The following HPSE2 variants were observed in gnomAD, a reference collection of about 807,000 sequenced individuals.
HPSE2 encodes inactive heparanase-2.
A neutral mutation model predicts 60.5 loss-of-function variants in HPSE2; 38 were observed. That is an observed-to-expected ratio of 0.63 (90% CI 0.48 to 0.82). HPSE2 has a LOEUF of 0.82. HPSE2 is among the 40% of genes least tolerant of loss of function. The probability of loss-of-function intolerance (pLI) is 0.00; values close to 1 mark genes in which losing one functional copy is unlikely to be tolerated. For synonymous variants in HPSE2, 295 were observed against 293.2 expected (o/e 1.01, Z -0.06); for missense variants, 713 against 740.4 (o/e 0.96, Z 0.43).
At chr10:98,765,268 AAG>A (rs1950095127) in intron 3 of HPSE2, among the ~76,000 whole-genome samples, 1 of 152,206 alleles carries the variant, frequency 6.6e-6, no homozygotes, top group African/African-American at 2.4e-5. Flanking sequence ...GCCATAACTT[AAG>A]CAAATATAAA....
rs1940145329 is a variant in HPSE2, at chr10:98,458,582, CTTCT to C, written c.*988_*991del. ...TGATGACCTTGATTCACACTTTTTT[CTTCT>C]TTTTTAAAAATAATGATTTGAGTTA... is the stretch of plus-strand genomic sequence containing the variant. On this transcript the variant is annotated 3_prime_UTR_variant, in exon 12 of 12. Transcript: ENST00000370552. 6.6e-6 allele frequency: 1 copy of C among 152,112 alleles called. No individual in the cohort carries two copies. Among genetic ancestry groups the C allele is most frequent in the African/African-American group, 2.4e-5 (1 of 41,430 alleles). 9.4% of individuals were successfully genotyped at this position (152,112 alleles called of 1,614,324 possible).
chr10:98,476,532 T>C (rs1023363008), intron 11 of HPSE2, among the ~76,000 whole-genome samples: 1 of 151,884 alleles, frequency 6.6e-6, no homozygotes, highest in African/African-American at 2.4e-5. Flanking sequence ...GGCTCATGCT[T>C]GTAATCCAGC....
At chr10:98,670,746 T>TCCC (rs772605723) in intron 6 of HPSE2, among the ~76,000 whole-genome samples, 29 of 152,242 alleles carry the variant, frequency 1.9e-4, no homozygotes, top group Admixed American at 4.6e-4. Context: ...ATTGTGAAAC[T>TCCC]CCCTGCCCTG....
Position 99,185,643 on chromosome 10 carries a change from G to A in HPSE2, c.449-41244C>T, listed in dbSNP as rs567280845. Among the ~76,000 whole-genome samples, 5 of 151,754 alleles carry A rather than the reference G, an allele frequency of 3.3e-5. No individual in the cohort carries two copies. In the South Asian group the frequency reaches 8.3e-4, roughly 25 times the overall value. On this transcript the variant is annotated intron_variant, in intron 2 of 11. Coordinates refer to ENST00000370552, the MANE Select transcript of HPSE2 (RefSeq NM_021828.5). ...CAAAAAATTAGCCGGGCGTAGTGGC[G>A]GGTGTCTTTAGTCCCAGCTACTCGG...
At chr10:99,104,887 G>A (rs1431044663) in intron 3 of HPSE2, among the ~76,000 whole-genome samples, 1 of 151,910 alleles carries the variant, frequency 6.6e-6, no homozygotes. Context: ...ACAGGAAGGG[G>A]AACATCACAC....
intron 3 of HPSE2, among the ~76,000 whole-genome samples, chr10:98,954,856 T>C (rs1380003820): frequency 1.3e-5 from 2 of 151,792 alleles, no homozygotes; most frequent in Admixed American, 6.6e-5. Context: ...ATAACCCAAT[T>C]TGATTGGTGT....
the HPSE2 span, among the ~76,000 whole-genome samples, chr10:99,300,345 G>A: frequency 6.6e-6 from 1 of 152,104 alleles, no homozygotes; most frequent in Non-Finnish European, 1.5e-5. Flanking sequence ...CAATCTCCAT[G>A]GAAGAACCTC....
chr10:98,994,628 C>T (rs957357661), intron 3 of HPSE2, among the ~76,000 whole-genome samples: 1 of 152,170 alleles, frequency 6.6e-6, no homozygotes, highest in African/African-American at 2.4e-5. Context: ...GTGGCTATAG[C>T]CATGTCAGCC....
chr10:98,532,534 T>A lies in HPSE2; in HGVS notation c.1321-42338A>T, dbSNP rs549186065. The stretch of plus-strand genomic sequence containing the variant: ...AAATAATACATTTTGGGTAAAGCAT[T>A]ATTATTATAGTGCTTGATACATAAT... On this transcript the variant is annotated intron_variant, in intron 9 of 11. Transcript: ENST00000370552. Among the ~76,000 whole-genome samples the A allele has an allele frequency of 2.0e-5, 3 of 152,334 alleles. No homozygotes were observed. The East Asian group carries it at 5.8e-4, about 29-fold the overall frequency.
At chr10:99,119,077 A>G (rs186806432) in intron 3 of HPSE2, among the ~76,000 whole-genome samples, 1 of 120,714 alleles carries the variant, frequency 8.3e-6, no homozygotes, top group African/African-American at 2.9e-5. Context: ...GAAAGAAAGA[A>G]AGAGAAAGAA....
intron 3 of HPSE2, among the ~76,000 whole-genome samples, chr10:99,113,618 C>T (rs1338887366): frequency 6.6e-6 from 1 of 151,976 alleles, no homozygotes; most frequent in Non-Finnish European, 1.5e-5. Flanking sequence ...GGTTCAAAAA[C>T]CATTTTGCTC....
intron 9 of HPSE2, among the ~76,000 whole-genome samples, chr10:98,525,252 C>G (rs761309292): frequency 4.5e-4 from 68 of 152,326 alleles, no homozygotes; most frequent in Non-Finnish European, 6.0e-4. Context: ...CTCAGGAAAT[C>G]TGCCCGCCTT....
chr10:98,872,104 G>A (rs747180647), intron 3 of HPSE2, among the ~76,000 whole-genome samples: 18 of 151,880 alleles, frequency 1.2e-4, no homozygotes, highest in Non-Finnish European at 2.2e-4. Flanking sequence ...TGTGAGGTCC[G>A]TTACTATATG....
intron 2 of HPSE2, among the ~76,000 whole-genome samples, chr10:99,153,655 A>C (rs1846386689): frequency 6.6e-6 from 1 of 152,190 alleles, no homozygotes; most frequent in Admixed American, 6.5e-5. Context: ...ATGGGGAAAA[A>C]ACAGAGCAGA....
intron 2 of HPSE2, among the ~76,000 whole-genome samples, chr10:99,149,068 T>A (rs1742244527): frequency 6.6e-6 from 1 of 151,968 alleles, no homozygotes; most frequent in Non-Finnish European, 1.5e-5. Context: ...TAGCTGAAAC[T>A]GAGCCTGGCA....
At chr10:99,161,569 G>T (rs1846847427) in intron 2 of HPSE2, among the ~76,000 whole-genome samples, 1 of 152,162 alleles carries the variant, frequency 6.6e-6, no homozygotes, top group South Asian at 2.1e-4. Context: ...GGGCTTGATT[G>T]TAAACAAGCA....
chr10:99,285,249 G>A, the HPSE2 span, among the ~76,000 whole-genome samples: 3 of 151,164 alleles, frequency 2.0e-5, no homozygotes, highest in African/African-American at 4.9e-5. Context: ...GCAACATGGT[G>A]AGACCCCTGT....
intron 6 of HPSE2, among the ~76,000 whole-genome samples, chr10:98,682,460 A>C (rs1339896100): frequency 6.6e-6 from 1 of 152,134 alleles, no homozygotes; most frequent in Non-Finnish European, 1.5e-5. Context: ...AACCTACCTT[A>C]AATGTGCTTG....
chr10:99,304,800 C>A, the HPSE2 span, among the ~76,000 whole-genome samples: 1 of 152,198 alleles, frequency 6.6e-6, no homozygotes, highest in Non-Finnish European at 1.5e-5. Context: ...ATGCTGCTTA[C>A]AGACAGAAAC....
Sources: allele counts gnomAD v4.1 joint callset (sites outside exome capture counted in the v4.1 genomes callset), GRCh38; gene constraint gnomAD v4.1.1; transcripts MANE v1.5; gene names NCBI Gene and HGNC (gene_info 2026-07-23, HGNC 2026-07-21).